The following SH2B3 variants were observed in gnomAD, a reference collection of about 807,000 sequenced individuals.
SH2B3 encodes SH2B adapter protein 3.
Under a neutral mutation model 51.9 loss-of-function variants are expected in SH2B3, and 43 were observed. That is an observed-to-expected ratio of 0.83 (90% CI 0.65 to 1.07). The LOEUF is 1.07. SH2B3 is among the 50% of genes least tolerant of loss of function. The probability of loss-of-function intolerance (pLI) is 0.00; values close to 1 mark genes in which losing one functional copy is unlikely to be tolerated. For synonymous variants in SH2B3, 396 were observed against 376.0 expected, an observed-to-expected ratio of 1.05 and a Z score of -0.62; for missense variants, 952 against 834.3, an observed-to-expected ratio of 1.14 and a Z score of -1.74.
Position 111,418,273 on chromosome 12 carries a change from G to T in SH2B3, c.128G>T (p.Arg43Leu). The T allele has an allele frequency of 1.3e-6, 2 of 1,539,560 alleles. No homozygotes were observed. The highest frequency in any genetic ancestry group is 1.7e-6 in the Non-Finnish European group (2 of 1,150,040). ...HAVAAARELA[R>L]QYWLFAREHP... ...GTAGCGGCGGCCCGGGAGCTGGCCC[G>T]CCAGTACTGGCTGTTCGCCCGGGAG... The change falls in exon 2 of 8, where the codon CGC becomes CTC. Residue 43 changes from arginine to leucine, a missense_variant. Arg to Leu is a moderately radical substitution (Grantham distance 102). Transcript: ENST00000341259. The surrounding 1 kb of genome is among the most constrained non-coding windows in gnomAD (Gnocchi z 6.7).
chr12:111,440,748 G>A (rs913961817), intron 2 of SH2B3, among the ~76,000 whole-genome samples: 15 of 152,214 alleles, frequency 9.9e-5, no homozygotes, highest in Admixed American at 8.5e-4. Context: ...GGCCAAGACC[G>A]AAAGATGGAA....
At position 111,406,388 on chromosome 12, in the gene SH2B3, C is replaced by T. The variant is rs1202001974; in HGVS notation, c.-28+111C>T. 6.6e-6 allele frequency: 1 copy of T among 152,366 alleles called. No homozygotes were observed. Among genetic ancestry groups the T allele is most frequent in the African/African-American group, 2.4e-5 (1 of 41,468 alleles). The allele number at this position is 152,366 out of a possible 1,614,324, so 9.4% of individuals were successfully genotyped here. ...CCGGGCTCTGCGCGTCACCCCCAGC[C>T]CAAAATACTGCCCTGCAGCCAACTC... On this transcript the variant is annotated intron_variant, in intron 1 of 7. Coordinates refer to ENST00000341259, the MANE Select transcript of SH2B3 (RefSeq NM_005475.3). This position sits in a 1 kb window ranked among gnomAD's most constrained non-coding sequence, Gnocchi z 5.7.
At position 111,418,057 on chromosome 12, in the gene SH2B3, G is replaced by C. The variant is rs768641855; in HGVS notation, c.-27-62G>C. The C allele has an allele frequency of 3.9e-6, 5 of 1,275,504 alleles. No homozygotes were observed. The highest frequency in any genetic ancestry group is 5.3e-6 in the Non-Finnish European group (5 of 949,464). The allele number at this position is 1,275,504 out of a possible 1,614,324, so 79.0% of individuals were successfully genotyped here. ...TGCTGTGGTGCCCGGTGTGTAATGG[G>C]GCCTACACCTGCTTGCCCACCTGCT... On this transcript the variant is annotated intron_variant, in intron 1 of 7. Transcript: ENST00000341259. The surrounding 1 kb of genome is among the most constrained non-coding windows in gnomAD (Gnocchi z 6.7).
intron 2 of SH2B3, among the ~76,000 whole-genome samples, chr12:111,437,947 C>CCCCAACCCCAAGAGG (rs1165679577): frequency 6.6e-6 from 1 of 152,204 alleles, no homozygotes; most frequent in Non-Finnish European, 1.5e-5. Flanking sequence ...TTGGTGCCCA[C>CCCCAACCCCAAGAGG]CCCAACCCCA....
chr12:111,418,107 C>T lies in SH2B3; in HGVS notation c.-27-12C>T, dbSNP rs745533564. On this transcript the variant is annotated splice_polypyrimidine_tract_variant and intron_variant, in intron 1 of 7. Coordinates refer to ENST00000341259, the MANE Select transcript of SH2B3 (RefSeq NM_005475.3). This position sits in a 1 kb window ranked among gnomAD's most constrained non-coding sequence, Gnocchi z 6.7. ...TTACTCCTTGTCGCCCCCCCACCCA[C>T]GTGTCTTTCAGCCCGGCCGCACCAC... is the stretch of plus-strand genomic sequence containing the variant. The T allele has an allele frequency of 2.7e-6, 4 of 1,473,556 alleles. No individual in the cohort carries two copies. The South Asian group carries it at 4.2e-5, about 15-fold the overall frequency. 91.3% of individuals were successfully genotyped at this position (1,473,556 alleles called of 1,614,324 possible). A position where few individuals can be genotyped will look rare whatever the true frequency, so the allele number is the denominator to read the frequency against.
rs1336551940 is a variant in SH2B3, at chr12:111,438,959, A to AGTTTTT, written c.733-7783_733-7778dup. On this transcript the variant is annotated intron_variant, in intron 2 of 7. Transcript: ENST00000341259. The surrounding 1 kb of genome is among the most constrained non-coding windows in gnomAD (Gnocchi z 4.2). Reference sequence around the variant, plus strand: ...GTCTCTCAGATGAGGACCACAGGGGAGTTTTTGTTTTTGTTTGTTTGTTTG... The same window carrying AGTTTTT: ...GTCTCTCAGATGAGGACCACAGGGGAGTTTTTGTTTTTGTTTTTGTTTGTTTGTTTG... Among the ~76,000 whole-genome samples, 8 of 151,920 alleles carry AGTTTTT rather than the reference A, an allele frequency of 5.3e-5. No homozygotes were observed. In the East Asian group the frequency reaches 1.6e-3, roughly 29 times the overall value.
intron 2 of SH2B3, among the ~76,000 whole-genome samples, chr12:111,422,431 A>G (rs1228629799): frequency 6.6e-6 from 1 of 152,194 alleles, no homozygotes; most frequent in Non-Finnish European, 1.5e-5. Context: ...TTTGTGAAGT[A>G]CATGTTTTTA....
chr12:111,437,603 C>T (rs1321050169), intron 2 of SH2B3, among the ~76,000 whole-genome samples: 1 of 152,144 alleles, frequency 6.6e-6, no homozygotes, highest in Non-Finnish European at 1.5e-5. Flanking sequence ...AAGTAATTTG[C>T]TCAGGGCCCT....
intron 2 of SH2B3, chr12:111,444,230 T>C (rs918972196): frequency 6.6e-6 from 1 of 152,116 alleles, no homozygotes; most frequent in African/African-American, 2.4e-5. Flanking sequence ...CCCTAGAGGA[T>C]AAAAGAACTA....
At chr12:111,447,097 T>C in intron 4 of SH2B3, 28 bp from the exon 5 acceptor site, 1 of 1,610,838 alleles carries the variant, frequency 6.2e-7, no homozygotes, top group Non-Finnish European at 8.5e-7. Context: ...CCTGCCCAGA[T>C]CCTTAACCTC....
At chr12:111,420,550 T>A (rs1355184116) in intron 2 of SH2B3, among the ~76,000 whole-genome samples, 1 of 152,050 alleles carries the variant, frequency 6.6e-6, no homozygotes, top group Non-Finnish European at 1.5e-5. Flanking sequence ...TCCTGTTACG[T>A]GGTAGGGCCT....
chr12:111,437,605 C>T (rs560299535), intron 2 of SH2B3, among the ~76,000 whole-genome samples: 1 of 152,250 alleles, frequency 6.6e-6, no homozygotes, highest in East Asian at 1.9e-4. Flanking sequence ...GTAATTTGCT[C>T]AGGGCCCTGC....
intron 1 of SH2B3, among the ~76,000 whole-genome samples, chr12:111,414,835 T>TC (rs893294172): frequency 1.3e-5 from 2 of 152,182 alleles, no homozygotes; most frequent in Admixed American, 1.3e-4. Flanking sequence ...GGTTCGCATC[T>TC]CCACCTTGCA....
chr12:111,433,726 C>G (rs550633310), intron 2 of SH2B3, among the ~76,000 whole-genome samples: 6 of 152,276 alleles, frequency 3.9e-5, no homozygotes, highest in African/African-American at 1.4e-4. Flanking sequence ...CCACACTCAG[C>G]TAATTTTTGT....
rs1318972058 is a variant in SH2B3, at chr12:111,449,755, C to T, written c.*1453C>T. The T allele has an allele frequency of 6.6e-6, 1 of 152,152 alleles. No homozygotes were observed. The highest frequency in any genetic ancestry group is 2.4e-5 in the African/African-American group (1 of 41,418). The allele number at this position is 152,152 out of a possible 1,614,324, so 9.4% of individuals were successfully genotyped here. A position where few individuals can be genotyped will look rare whatever the true frequency, so the allele number is the denominator to read the frequency against. ...AGATCAGCTTTACAGATACATCGATCAGAGGCTAAAATGAAACCTCAGCCT... is the reference window on the plus strand; with the variant it reads ...AGATCAGCTTTACAGATACATCGATTAGAGGCTAAAATGAAACCTCAGCCT... On this transcript the variant is annotated 3_prime_UTR_variant, in exon 8 of 8. Transcript: ENST00000341259.
rs560852126 is a variant in SH2B3, at chr12:111,413,909, T to G, written c.-27-4210T>G. On this transcript the variant is annotated intron_variant, in intron 1 of 7. Transcript: ENST00000341259. ...CAGTTGGGAGCTCAGAAGAGGCTTCTCTTATGTGCAATTGGAAGCAGACAG... is the reference window on the plus strand; with the variant it reads ...CAGTTGGGAGCTCAGAAGAGGCTTCGCTTATGTGCAATTGGAAGCAGACAG... Among the ~76,000 whole-genome samples, 3 of 152,308 alleles carry G rather than the reference T, an allele frequency of 2.0e-5. No homozygotes were observed. The South Asian group carries it at 6.2e-4, about 32-fold the overall frequency.
intron 2 of SH2B3, among the ~76,000 whole-genome samples, chr12:111,431,628 C>T (rs1287678497): frequency 6.6e-6 from 1 of 152,116 alleles, no homozygotes; most frequent in Non-Finnish European, 1.5e-5. Flanking sequence ...GTCCCCCAGA[C>T]TAGAGAGCAG....
At chr12:111,442,982 C>G (rs1427694942) in intron 2 of SH2B3, among the ~76,000 whole-genome samples, 1 of 152,206 alleles carries the variant, frequency 6.6e-6, no homozygotes, top group Non-Finnish European at 1.5e-5. Flanking sequence ...GGGGTGTGGC[C>G]CAGTACCTCG....
Position 111,446,741 on chromosome 12 carries a change from T to C in SH2B3, c.733-12T>C, listed in dbSNP as rs368170636. 3.3e-6 allele frequency: 5 copies of C among 1,494,402 alleles called. No individual in the cohort carries two copies. Among genetic ancestry groups the C allele is most frequent in the African/African-American group, 2.8e-5 (2 of 71,230 alleles). 92.6% of individuals were successfully genotyped at this position (1,494,402 alleles called of 1,614,324 possible). A position where few individuals can be genotyped will look rare whatever the true frequency, so the allele number is the denominator to read the frequency against. ...AGGAACAAGCCTTGAGTACCCCAACTTGGTCTCGTAGAGTTCAAGGCCCAA... is the reference window on the plus strand; with the variant it reads ...AGGAACAAGCCTTGAGTACCCCAACCTGGTCTCGTAGAGTTCAAGGCCCAA... On this transcript the variant is annotated splice_polypyrimidine_tract_variant and intron_variant, in intron 2 of 7. Coordinates refer to ENST00000341259, the MANE Select transcript of SH2B3 (RefSeq NM_005475.3).
Sources: allele counts gnomAD v4.1 joint callset (sites outside exome capture counted in the v4.1 genomes callset), GRCh38; gene constraint gnomAD v4.1.1; non-coding constraint Gnocchi (gnomAD v3.1); transcripts MANE v1.5; gene names NCBI Gene and HGNC (gene_info 2026-07-23, HGNC 2026-07-21).